The following GRID2 variants were observed in gnomAD, a reference collection of about 807,000 sequenced individuals.
The protein encoded by GRID2 is glutamate ionotropic receptor delta type subunit 2, also known as glutamate receptor ionotropic, delta-2.
A neutral mutation model predicts 114.8 loss-of-function variants in GRID2; 33 were observed. The observed-to-expected ratio is 0.29, with a 90% CI of 0.22 to 0.38. The LOEUF (loss-of-function observed/expected upper bound fraction) is 0.38. Among genes scored for constraint, GRID2 ranks in the 10% least tolerant of loss-of-function variants. The pLI, the probability that GRID2 is intolerant of heterozygous loss-of-function variation, is 1.00. For missense variants in GRID2, 1,184 were observed against 1,257.7 expected (o/e 0.94, Z 0.89); for synonymous variants, 505 against 449.9 (o/e 1.12, Z -1.55).
At chr4:93,136,232 TTGTGTGTGTGTGTGTG>T (rs3970984) in intron 4 of GRID2, among the ~76,000 whole-genome samples, 107 of 142,364 alleles carry the variant, frequency 7.5e-4, no homozygotes, top group South Asian at 4.7e-3. Context: ...CCAACAGTTA[TTGTGTGTGTGTGTGTG>T]TGTGTGTGTG....
At position 93,422,966 on chromosome 4, in the gene GRID2, A is replaced by C; in HGVS notation, c.1543A>C (p.Lys515Gln). 3 of 1,595,082 alleles carry C rather than the reference A, an allele frequency of 1.9e-6. No individual in the cohort carries two copies. Among genetic ancestry groups the C allele is most frequent in the Non-Finnish European group, 2.6e-6 (3 of 1,162,762 alleles). The change falls in exon 10 of 16, where the codon AAG becomes CAG. Residue 515 changes from lysine (K) to glutamine (Q), a missense_variant and splice_region_variant. Physicochemically the swap from Lys to Gln is moderately conservative, Grantham distance 53 (BLOSUM62 1). Transcript: ENST00000282020. ...TGGCTTGGTAGGAGAACTTGTCTTT[A>C]AGGTAAGAATTACTTTATTTATTTG... Reference protein sequence around the residue: ...WNGLVGELVFKRADIGISALT... With the variant: ...WNGLVGELVFQRADIGISALT...
At chr4:93,093,097 G>A (rs138589716) in intron 3 of GRID2, among the ~76,000 whole-genome samples, 65 of 152,164 alleles carry the variant, frequency 4.3e-4, no homozygotes, top group Non-Finnish European at 8.2e-4. Context: ...TCAGCACTTA[G>A]CTTCAGGAGG....
intron 14 of GRID2, among the ~76,000 whole-genome samples, chr4:93,753,494 TC>T (rs558631166): frequency 3.3e-5 from 5 of 150,640 alleles, no homozygotes; most frequent in Non-Finnish European, 7.4e-5. Context: ...CCCTCCCTCC[TC>T]CCCCTACCCC....
At chr4:92,360,009 A>G (rs1306259576) in intron 1 of GRID2, among the ~76,000 whole-genome samples, 1 of 151,934 alleles carries the variant, frequency 6.6e-6, no homozygotes, top group Non-Finnish European at 1.5e-5. Context: ...AACTACCTTT[A>G]ATGGTTTGGT....
chr4:92,368,421 C>A (rs146808548), intron 1 of GRID2, among the ~76,000 whole-genome samples: 292 of 152,126 alleles, frequency 1.9e-3, no homozygotes, highest in Non-Finnish European at 3.1e-3. Context: ...AGACTCCTTG[C>A]GCTGTCTCAT....
intron 12 of GRID2, among the ~76,000 whole-genome samples, chr4:93,498,809 TATGTCAAA>T (rs1727815205): frequency 6.6e-6 from 1 of 151,908 alleles, no homozygotes; most frequent in South Asian, 2.1e-4. Flanking sequence ...TTTACAATAC[TATGTCAAA>T]TTAAGAGTAG....
rs555633249 is a variant in GRID2 at position 93,687,025 on chromosome 4, A to G, written c.2360+60590A>G. Among the ~76,000 whole-genome samples, 13 of 152,134 alleles carry G rather than the reference A, an allele frequency of 8.5e-5. No homozygotes were observed. In the South Asian group the frequency reaches 2.7e-3, roughly 31 times the overall value. ...AAGCTGGGAGAACAGTTAGGAGGCT[A>G]CTATGGAAATCCAGATGATAGATGC... is the stretch of plus-strand genomic sequence containing the variant. On this transcript the variant is annotated intron_variant, in intron 14 of 15. Coordinates refer to ENST00000282020, the MANE Select transcript of GRID2 (RefSeq NM_001510.4).
chr4:92,389,967 G>A (rs1730161996), intron 1 of GRID2, among the ~76,000 whole-genome samples: 1 of 152,072 alleles, frequency 6.6e-6, no homozygotes, highest in South Asian at 2.1e-4. Flanking sequence ...TTACAAAATA[G>A]AAATTCTGGG....
intron 13 of GRID2, among the ~76,000 whole-genome samples, chr4:93,517,559 G>T (rs1729859113): frequency 6.6e-6 from 1 of 151,962 alleles, no homozygotes; most frequent in African/African-American, 2.4e-5. Flanking sequence ...CAATTGATTA[G>T]ACAGAGAGCA....
intron 2 of GRID2, among the ~76,000 whole-genome samples, chr4:92,904,377 T>C: frequency 6.6e-6 from 1 of 151,168 alleles, no homozygotes; most frequent in South Asian, 2.1e-4. Context: ...TAAATGTAAA[T>C]ATTATCTTGA....
intron 14 of GRID2, among the ~76,000 whole-genome samples, chr4:93,755,353 T>C (rs1489394680): frequency 6.6e-6 from 1 of 152,146 alleles, no homozygotes; most frequent in Non-Finnish European, 1.5e-5. Context: ...GAAAACTAAA[T>C]TGTGAAGTAG....
chr4:92,997,204 G>A (rs906405137), intron 2 of GRID2, among the ~76,000 whole-genome samples: 4 of 152,140 alleles, frequency 2.6e-5, no homozygotes, highest in Admixed American at 2.0e-4. Flanking sequence ...AAATCATTAT[G>A]TGTCAAGGCT....
intron 8 of GRID2, among the ~76,000 whole-genome samples, chr4:93,253,325 T>C (rs866781619): frequency 1.3e-5 from 2 of 152,134 alleles, no homozygotes; most frequent in South Asian, 4.1e-4. Flanking sequence ...ATGAAATGTG[T>C]CTTCAAATTA....
intron 1 of GRID2, among the ~76,000 whole-genome samples, chr4:92,512,181 T>C (rs1169347681): frequency 6.6e-6 from 1 of 151,952 alleles, no homozygotes; most frequent in Non-Finnish European, 1.5e-5. Flanking sequence ...GGTTCATTTA[T>C]GCTGTAGCAT....
intron 4 of GRID2, among the ~76,000 whole-genome samples, chr4:93,139,018 T>C (rs1355909390): frequency 6.6e-6 from 1 of 152,226 alleles, no homozygotes; most frequent in East Asian, 1.9e-4. Context: ...TCTGCTTTCC[T>C]ATTTATCCTT....
chr4:93,802,422 A>AAG (rs200993920), intron 1 of GRID2, among the ~76,000 whole-genome samples: 2 of 150,556 alleles, frequency 1.3e-5, no homozygotes, highest in East Asian at 1.9e-4. Flanking sequence ...GAGAGAGAGA[A>AAG]AGAGAGAGAG....
At chr4:93,131,283 T>G (rs1734777532) in intron 4 of GRID2, among the ~76,000 whole-genome samples, 1 of 151,140 alleles carries the variant, frequency 6.6e-6, no homozygotes, top group African/African-American at 2.4e-5. Flanking sequence ...CCTTCTGAGT[T>G]GCTGGGACTA....
downstream of GRID2, among the ~76,000 whole-genome samples, chr4:93,778,848 A>G (rs1734423618): frequency 6.6e-6 from 1 of 152,220 alleles, no homozygotes; most frequent in Admixed American, 6.5e-5. Flanking sequence ...CTATTCACAC[A>G]TGATGTTTTT....
intron 8 of GRID2, among the ~76,000 whole-genome samples, chr4:93,310,798 G>A (rs1398652885): frequency 1.3e-5 from 2 of 152,162 alleles, no homozygotes; most frequent in African/African-American, 4.8e-5. Context: ...GTTTAAGGTG[G>A]ATTTTTCAAG....
Sources: gnomAD v4.1 joint callset for allele counts (sites outside exome capture counted in the v4.1 genomes callset) on GRCh38, gnomAD v4.1.1 for gene constraint, MANE v1.5 for transcripts, NCBI Gene and HGNC (gene_info 2026-07-23, HGNC 2026-07-21) for gene names.